Variants in EAF2 observed in about 807,000 individuals in gnomAD.
EAF2 encodes ELL-associated factor 2.
Under a neutral mutation model 29.4 loss-of-function variants are expected in EAF2, and 29 were observed. That is an observed-to-expected ratio of 0.99 (90% confidence interval 0.73 to 1.35). The LOEUF is 1.35. EAF2 is among the 40% of genes most tolerant of loss of function. EAF2 has a pLI of 0.00. For synonymous variants in EAF2, 103 were observed against 102.5 expected (o/e 1.00, Z -0.03); for missense variants, 292 against 312.0 (o/e 0.94, Z 0.48).
Position 121,872,710 on chromosome 3 carries a change from A to G in EAF2, c.658A>G (p.Thr220Ala), listed in dbSNP as rs767793472. Residue 220 changes from threonine (T) to alanine (A), a missense_variant, in exon 5 of 6, where the codon ACA (threonine) becomes GCA (alanine). Thr to Ala is a moderately conservative substitution (Grantham distance 58). Coordinates refer to ENST00000273668, the MANE Select transcript of EAF2 (RefSeq NM_018456.6). ...TTGTGTCTCAGGACATCCTACCATGACACAGTACAGGATTCCTGATATAGA... is the reference window on the plus strand; with the variant it reads ...TTGTGTCTCAGGACATCCTACCATGGCACAGTACAGGATTCCTGATATAGA... The part of the protein sequence containing the change: ...GNCVSGHPTM[T>A]QYRIPDIDAS... 4.3e-6 allele frequency: 7 copies of G among 1,612,786 alleles called. No individual in the cohort carries two copies. The South Asian group carries it at 5.5e-5, about 13-fold the overall frequency.
At chr3:121,864,043 A>G (rs1708881698) in intron 4 of EAF2, among the ~76,000 whole-genome samples, 1 of 152,186 alleles carries the variant, frequency 6.6e-6, no homozygotes, top group South Asian at 2.1e-4. Flanking sequence ...TAAGCAGAAT[A>G]AGCAGGCAAC....
At chr3:121,852,973 T>C (rs1178982851) in intron 2 of EAF2, among the ~76,000 whole-genome samples, 5 of 152,184 alleles carry the variant, frequency 3.3e-5, no homozygotes, top group Non-Finnish European at 5.9e-5. Context: ...TGTAAGTAGA[T>C]GTAGTTTATT....
intron 1 of EAF2, 48 bp downstream of exon 1, chr3:121,835,439 G>A (rs780768241): frequency 4.1e-5 from 63 of 1,537,990 alleles, no homozygotes; most frequent in Non-Finnish European, 5.4e-6. Flanking sequence ...CCGGGATGGG[G>A]GTGAAGAGGC....
intron 1 of EAF2, 50 bp downstream of exon 1, chr3:121,835,441 T>C: frequency 6.5e-7 from 1 of 1,528,596 alleles, no homozygotes; most frequent in Non-Finnish European, 9.0e-7. Flanking sequence ...GGGATGGGGG[T>C]GAAGAGGCAC....
intron 2 of EAF2, among the ~76,000 whole-genome samples, chr3:121,848,772 C>G (rs1708577580): frequency 6.6e-6 from 1 of 152,104 alleles, no homozygotes; most frequent in Admixed American, 6.6e-5. Context: ...ACATGTCAAA[C>G]TATAAACTGC....
At chr3:121,860,456 T>C (rs969274418) in intron 4 of EAF2, among the ~76,000 whole-genome samples, 17 of 152,334 alleles carry the variant, frequency 1.1e-4, no homozygotes, top group Admixed American at 1.1e-3. Context: ...TTTATTTGCA[T>C]AGAGGTGTTT....
Position 121,857,045 on chromosome 3 carries a change from G to A in EAF2, c.373G>A (p.Glu125Lys), listed in dbSNP as rs1708731179. The change falls in exon 4 of 6, where the codon GAA becomes AAA. Residue 125 changes from glutamate to lysine, a missense_variant. Glu to Lys is a moderately conservative substitution (Grantham distance 56). Coordinates refer to ENST00000273668, the MANE Select transcript of EAF2 (RefSeq NM_018456.6). ...AAGCAGTAAAATTCAGTATCGTAAA[G>A]AACAACAGCAACAACAAATGTGGAA... ...EGSSKIQYRK[E>K]QQQQQMWNSA... 6.2e-7 allele frequency: 1 copy of A among 1,613,648 alleles called. No homozygotes were observed. Among genetic ancestry groups the A allele is most frequent in the Non-Finnish European group, 8.5e-7 (1 of 1,179,882 alleles).
intron 4 of EAF2, among the ~76,000 whole-genome samples, chr3:121,862,859 G>A (rs1708857934): frequency 1.3e-5 from 2 of 152,116 alleles, no homozygotes; most frequent in African/African-American, 2.4e-5. Context: ...TAATGGTGAC[G>A]TACAGATGGG....
In EAF2 at chr3:121,886,423, C is replaced by G. The variant is rs775508211; in HGVS notation, c.*35C>G. Reference sequence around the variant, plus strand: ...TAGCTATAAATAAAAATTTATACAGCATGTATAATTTATTTTGTATTAACA... The same window carrying G: ...TAGCTATAAATAAAAATTTATACAGGATGTATAATTTATTTTGTATTAACA... On this transcript the variant is annotated 3_prime_UTR_variant, in exon 6 of 6. Transcript: ENST00000273668. 8.1e-7 allele frequency: 1 copy of G among 1,233,778 alleles called. No individual in the cohort carries two copies. Among genetic ancestry groups the G allele is most frequent in the Admixed American group, 2.5e-5 (1 of 39,332 alleles). The allele number at this position is 1,233,778 out of a possible 1,614,324, so 76.4% of individuals were successfully genotyped here. A position where few individuals can be genotyped will look rare whatever the true frequency, so the allele number is the denominator to read the frequency against.
intron 1 of EAF2, chr3:121,837,340 A>G (rs1018209236): frequency 6.6e-6 from 1 of 152,174 alleles, no homozygotes; most frequent in African/African-American, 2.4e-5. Flanking sequence ...GCTGATGTTC[A>G]TGCAGATAAG....
intron 5 of EAF2, among the ~76,000 whole-genome samples, chr3:121,886,027 A>G (rs1709276989): frequency 6.6e-6 from 1 of 152,160 alleles, no homozygotes; most frequent in Non-Finnish European, 1.5e-5. Context: ...ATATAGTTTA[A>G]TCTTCTAAAC....
chr3:121,841,704 GTT>G (rs1218463341), intron 1 of EAF2, among the ~76,000 whole-genome samples: 1 of 150,404 alleles, frequency 6.6e-6, no homozygotes, highest in African/African-American at 2.4e-5. Flanking sequence ...GAAACCCCGT[GTT>G]TACTAAAAAT....
chr3:121,852,442 T>C (rs1708649452), intron 2 of EAF2, among the ~76,000 whole-genome samples: 1 of 152,230 alleles, frequency 6.6e-6, no homozygotes, highest in Non-Finnish European at 1.5e-5. Context: ...TTCAACTAAG[T>C]GCTCCACATC....
chr3:121,879,551 A>G (rs1472786727), intron 5 of EAF2, among the ~76,000 whole-genome samples: 1 of 149,190 alleles, frequency 6.7e-6, no homozygotes, highest in Non-Finnish European at 1.5e-5. Flanking sequence ...ATCCATTTTG[A>G]TTTTATTTTT....
chr3:121,859,004 C>T (rs766444033), intron 4 of EAF2, among the ~76,000 whole-genome samples: 2 of 152,068 alleles, frequency 1.3e-5, no homozygotes, highest in Non-Finnish European at 2.9e-5. Flanking sequence ...ATTTCTGAAG[C>T]CTCTGTTATG....
intron 1 of EAF2, chr3:121,836,871 C>G: frequency 2.4e-6 from 2 of 848,498 alleles, no homozygotes; most frequent in Non-Finnish European, 2.8e-6. Flanking sequence ...GAATATATTT[C>G]TATATGATTT....
At chr3:121,882,380 C>A (rs899505988) in intron 5 of EAF2, among the ~76,000 whole-genome samples, 2 of 149,764 alleles carry the variant, frequency 1.3e-5, no homozygotes, top group African/African-American at 4.9e-5. Flanking sequence ...TAAATAAAAA[C>A]ATTTACCAAA....
At chr3:121,864,012 T>C (rs755751028) in intron 4 of EAF2, among the ~76,000 whole-genome samples, 2 of 152,148 alleles carry the variant, frequency 1.3e-5, no homozygotes, top group Admixed American at 6.5e-5. Context: ...ACCAATTCCA[T>C]AGGGAAATGA....
At chr3:121,866,966 T>C (rs910525472) in intron 4 of EAF2, among the ~76,000 whole-genome samples, 1 of 152,048 alleles carries the variant, frequency 6.6e-6, no homozygotes, top group Non-Finnish European at 1.5e-5. Flanking sequence ...ATTAAAGAAA[T>C]AGAAGTTTTA....
Sources: allele counts gnomAD v4.1 joint callset (sites outside exome capture counted in the v4.1 genomes callset), GRCh38; gene constraint gnomAD v4.1.1; transcripts MANE v1.5; gene names NCBI Gene and HGNC (gene_info 2026-07-23, HGNC 2026-07-21).